Variants in ARHGAP24 observed in about 807,000 individuals in gnomAD.
The protein encoded by ARHGAP24 is rho GTPase-activating protein 24.
A neutral mutation model predicts 76.4 loss-of-function variants in ARHGAP24; 50 were observed. The observed-to-expected ratio is 0.65, with a 90% confidence interval of 0.52 to 0.83. The LOEUF (loss-of-function observed/expected upper bound fraction) is 0.83. ARHGAP24 is among the 40% of genes least tolerant of loss of function. ARHGAP24 has a pLI of 0.00. For missense variants in ARHGAP24, 930 were observed against 914.2 expected (o/e 1.02, Z -0.22); for synonymous variants, 345 against 323.3 (o/e 1.07, Z -0.72).
chr4:85,748,463 A>C (rs1265557149), intron 3 of ARHGAP24, among the ~76,000 whole-genome samples: 1 of 152,192 alleles, frequency 6.6e-6, no homozygotes, highest in Non-Finnish European at 1.5e-5. Context: ...TTTTATTTGT[A>C]GTACAGAAAG....
chr4:85,552,116 GTTGTTAAT>G (rs1726163884), intron 1 of ARHGAP24, among the ~76,000 whole-genome samples: 1 of 152,010 alleles, frequency 6.6e-6, no homozygotes, highest in African/African-American at 2.4e-5. Context: ...ATGATGTTAG[GTTGTTAAT>G]TTGAGATCTT....
intron 1 of ARHGAP24, among the ~76,000 whole-genome samples, chr4:85,487,174 T>TTATTTTATATATATAAAAATATA (rs1723092110): frequency 7.3e-6 from 1 of 136,534 alleles, no homozygotes; most frequent in African/African-American, 2.8e-5. Flanking sequence ...AAATATATAT[T>TTATTTTATATATATAAAAATATA]TATTTTATAT....
intron 3 of ARHGAP24, among the ~76,000 whole-genome samples, chr4:85,791,337 C>T (rs189725619): frequency 1.3e-5 from 2 of 152,198 alleles, no homozygotes; most frequent in East Asian, 1.9e-4. Context: ...GCATATTTAA[C>T]GGCAAAGATA....
At position 85,644,012 on chromosome 4, in the gene ARHGAP24, G is replaced by A. The variant is rs376001034; in HGVS notation, c.180+73291G>A. 2.0e-5 allele frequency among the ~76,000 whole-genome samples: 3 copies of A among 152,132 alleles called. No homozygotes were observed. The South Asian group carries it at 6.2e-4, about 32-fold the overall frequency. On this transcript the variant is annotated intron_variant, in intron 2 of 9. Coordinates refer to ENST00000395184, the MANE Select transcript of ARHGAP24 (RefSeq NM_001025616.3). ...GACTTCATTTTTGGTGAAGAGTTTA[G>A]TCTTTTAAAACTACATGCAATAATA...
At chr4:85,687,518 T>C (rs1723471051) in intron 2 of ARHGAP24, among the ~76,000 whole-genome samples, 1 of 152,188 alleles carries the variant, frequency 6.6e-6, no homozygotes, top group Non-Finnish European at 1.5e-5. Flanking sequence ...GTGGTATTTG[T>C]TTTTTCTCTT....
At chr4:85,988,498 G>A (rs561811785) in intron 8 of ARHGAP24, among the ~76,000 whole-genome samples, 30 of 151,412 alleles carry the variant, frequency 2.0e-4, no homozygotes, top group African/African-American at 2.4e-4. Flanking sequence ...AAAGTAGACC[G>A]TAATAAATTA....
chr4:85,650,114 A>G (rs1721880144), intron 2 of ARHGAP24, among the ~76,000 whole-genome samples: 2 of 152,166 alleles, frequency 1.3e-5, no homozygotes, highest in Admixed American at 6.6e-5. Context: ...TAAGAAGTAC[A>G]TGGTCGCTCC....
intron 3 of ARHGAP24, among the ~76,000 whole-genome samples, chr4:85,890,445 A>G (rs1281062018): frequency 6.6e-6 from 1 of 152,224 alleles, no homozygotes; most frequent in Non-Finnish European, 1.5e-5. Context: ...GCAAAGAATC[A>G]TAATACTCTG....
At chr4:85,838,801 TC>T (rs1249213744) in intron 3 of ARHGAP24, among the ~76,000 whole-genome samples, 3 of 151,122 alleles carry the variant, frequency 2.0e-5, no homozygotes, top group African/African-American at 7.3e-5. Flanking sequence ...AGTCCATCCC[TC>T]CCTCCCCCAA....
intron 3 of ARHGAP24, among the ~76,000 whole-genome samples, chr4:85,773,936 T>C (rs1162772498): frequency 6.6e-6 from 1 of 152,220 alleles, no homozygotes; most frequent in East Asian, 1.9e-4. Flanking sequence ...GATTAATGTA[T>C]AGTCAATACA....
chr4:85,704,130 A>C (rs1724209003), intron 2 of ARHGAP24, among the ~76,000 whole-genome samples: 1 of 152,216 alleles, frequency 6.6e-6, no homozygotes, highest in South Asian at 2.1e-4. Flanking sequence ...ACTGCAGAGT[A>C]GTATTCAATT....
chr4:85,802,172 A>G (rs1445972128), intron 3 of ARHGAP24, among the ~76,000 whole-genome samples: 3 of 152,220 alleles, frequency 2.0e-5, no homozygotes, highest in African/African-American at 4.8e-5. Flanking sequence ...TGATTTCCCA[A>G]TATGACCACC....
chr4:85,839,475 A>G (rs28482943), intron 3 of ARHGAP24, among the ~76,000 whole-genome samples: 1,688 of 152,204 alleles, frequency 0.011, 31 homozygotes, highest in African/African-American at 0.038. Flanking sequence ...TTTTTGAGAT[A>G]GAGTCTCGCT....
intron 2 of ARHGAP24, among the ~76,000 whole-genome samples, chr4:85,619,148 G>C (rs1185273923): frequency 6.6e-6 from 1 of 151,972 alleles, no homozygotes; most frequent in Non-Finnish European, 1.5e-5. Flanking sequence ...TGTATATAGT[G>C]TAAGATGCGA....
chr4:85,979,750 C>T (rs1578461263), intron 8 of ARHGAP24, among the ~76,000 whole-genome samples: 1 of 152,274 alleles, frequency 6.6e-6, no homozygotes, highest in East Asian at 1.9e-4. Flanking sequence ...TGAATCTTTC[C>T]CTTTACTTAC....
intron 3 of ARHGAP24, among the ~76,000 whole-genome samples, chr4:85,726,279 T>G (rs1188732687): frequency 6.6e-6 from 1 of 152,224 alleles, no homozygotes; most frequent in South Asian, 2.1e-4. Flanking sequence ...ATAATGGGGA[T>G]AAAACGTTTT....
At chr4:85,610,361 G>A (rs941044622) in intron 2 of ARHGAP24, among the ~76,000 whole-genome samples, 13 of 148,772 alleles carry the variant, frequency 8.7e-5, no homozygotes, top group South Asian at 2.1e-4. Flanking sequence ...GGAGAATGGC[G>A]TGAACCTGGG....
At chr4:85,906,323 C>G (rs1229765034) in intron 3 of ARHGAP24, among the ~76,000 whole-genome samples, 4 of 152,134 alleles carry the variant, frequency 2.6e-5, no homozygotes, top group Non-Finnish European at 2.9e-5. Flanking sequence ...GGTGTGCTTA[C>G]TTGGTGGAAA....
At chr4:85,746,219 C>A (rs1726028624) in intron 3 of ARHGAP24, among the ~76,000 whole-genome samples, 1 of 152,184 alleles carries the variant, frequency 6.6e-6, no homozygotes, top group Non-Finnish European at 1.5e-5. Context: ...ATATGATGCC[C>A]AGTTTCCAGG....
Sources: gnomAD v4.1 joint callset for allele counts (sites outside exome capture counted in the v4.1 genomes callset) on GRCh38, gnomAD v4.1.1 for gene constraint, MANE v1.5 for transcripts, NCBI Gene and HGNC (gene_info 2026-07-23, HGNC 2026-07-21) for gene names.